ZFAND6: variants seen among roughly 807,000 people sequenced by gnomAD.
The protein encoded by ZFAND6 is zinc finger AN1-type containing 6.
ZFAND6 carries 12 observed loss-of-function variants against 24.5 expected under a neutral mutation model. The observed-to-expected ratio is 0.49, with a 90% CI of 0.31 to 0.79. The LOEUF is 0.79. Ranked by LOEUF, ZFAND6 falls within the 30% of genes least tolerant of loss-of-function variation. The probability of loss-of-function intolerance (pLI) is 0.04; values close to 1 mark genes in which losing one functional copy is unlikely to be tolerated. For missense variants in ZFAND6, 207 were observed against 245.9 expected, an observed-to-expected ratio of 0.84 and a Z score of 1.06; for synonymous variants, 92 against 81.5, an observed-to-expected ratio of 1.13 and a Z score of -0.69.
intron 1 of ZFAND6, chr15:80,073,280 T>G (rs888319101): frequency 6.8e-5 from 23 of 336,416 alleles, no homozygotes; most frequent in Non-Finnish European, 1.1e-4. Flanking sequence ...AGATAAGTAA[T>G]TAACATTTCG....
chr15:80,095,549 T>C lies in ZFAND6; in HGVS notation c.-180-2867T>C, dbSNP rs557994071. Among the ~76,000 whole-genome samples, 83 of 152,252 alleles carry C rather than the reference T, an allele frequency of 5.5e-4. 1 individual carries two copies. The highest frequency in any genetic ancestry group is 1.2e-3 in the Admixed American group (18 of 15,284). On this transcript the variant is annotated intron_variant, in intron 1 of 6. Coordinates refer to ENST00000261749, the MANE Select transcript of ZFAND6 (RefSeq NM_019006.4). ...TTTAACATTCTTTGGTAACTTTGTC[T>C]AAATCAAATTATTACTAGATGGTAA...
At chr15:80,116,379 T>G (rs2039877564) in intron 2 of ZFAND6, among the ~76,000 whole-genome samples, 1 of 152,174 alleles carries the variant, frequency 6.6e-6, no homozygotes, top group Non-Finnish European at 1.5e-5. Flanking sequence ...TATTAAAAAT[T>G]AAAGCTGAGA....
chr15:80,121,738 T>C lies in ZFAND6; in HGVS notation c.181T>C (p.Ser61Pro). Reference protein sequence around the residue: ...PATSVSSLSESLPVQCTDGSV... With the variant: ...PATSVSSLSEPLPVQCTDGSV... ...AACCTCTGTCAGTAGTCTGTCTGAA[T>C]CTTTACCAGTTCAATGCACAGATGG... Residue 61 changes from serine (S) to proline (P), a missense_variant, in exon 4 of 7, where the codon TCT (serine) becomes CCT (proline). This residue lies in a region of ZFAND6 where 133 missense variants were observed against 122.8 expected (regional missense o/e 1.08). Coordinates refer to ENST00000261749, the MANE Select transcript of ZFAND6 (RefSeq NM_019006.4). The C allele has an allele frequency of 6.2e-7, 1 of 1,613,900 alleles. No homozygotes were observed. Among genetic ancestry groups the C allele is most frequent in the Non-Finnish European group, 8.5e-7 (1 of 1,179,862 alleles).
intron 1 of ZFAND6, among the ~76,000 whole-genome samples, chr15:80,091,775 C>T (rs2038392441): frequency 6.6e-6 from 1 of 152,094 alleles, no homozygotes; most frequent in East Asian, 1.9e-4. Context: ...GAGTAGCTAG[C>T]ACTACAGGCA....
chr15:80,130,772 C>CTT, intron 5 of ZFAND6: 1 of 162,164 alleles, frequency 6.2e-6, no homozygotes, highest in South Asian at 2.0e-4. Context: ...TCCTCGTTCT[C>CTT]TGAGAGACCT....
chr15:80,068,872 A>G (rs528920191), intron 1 of ZFAND6, among the ~76,000 whole-genome samples: 27 of 152,244 alleles, frequency 1.8e-4, no homozygotes, highest in Non-Finnish European at 3.2e-4. Context: ...AGTGGTAGGG[A>G]CTATATCCAT....
At chr15:80,075,228 C>A in intron 1 of ZFAND6, 1 of 177,952 alleles carries the variant, frequency 5.6e-6, no homozygotes, top group Non-Finnish European at 1.2e-5. Flanking sequence ...TTCCATATTT[C>A]TATCACAAAT....
At chr15:80,059,976 C>T (rs1194393723) in intron 1 of ZFAND6, among the ~76,000 whole-genome samples, 167 bp downstream of exon 1, 5 of 150,694 alleles carry the variant, frequency 3.3e-5, no homozygotes, top group African/African-American at 9.7e-5. Flanking sequence ...GGTGGGCCCG[C>T]GGGGGCCGCG....
In ZFAND6 at chr15:80,138,375, A is replaced by G. The variant is rs930532062; in HGVS notation, c.*747A>G. ...AGTCTTTGATTAAATAAAAAGGAAAACCAGAATGCTCCCTTGTATTACTTT... is the reference window on the plus strand; with the variant it reads ...AGTCTTTGATTAAATAAAAAGGAAAGCCAGAATGCTCCCTTGTATTACTTT... On this transcript the variant is annotated 3_prime_UTR_variant, in exon 7 of 7. Coordinates refer to ENST00000261749, the MANE Select transcript of ZFAND6 (RefSeq NM_019006.4). 6.6e-6 allele frequency: 1 copy of G among 152,454 alleles called. No homozygotes were observed. The highest frequency in any genetic ancestry group is 2.4e-5 in the African/African-American group (1 of 41,400). The allele number at this position is 152,454 out of a possible 1,614,324, so 9.4% of individuals were successfully genotyped here. A position where few individuals can be genotyped will look rare whatever the true frequency, so the allele number is the denominator to read the frequency against.
chr15:80,090,190 C>T (rs1233281295), intron 1 of ZFAND6, among the ~76,000 whole-genome samples: 1 of 152,126 alleles, frequency 6.6e-6, no homozygotes, highest in Non-Finnish European at 1.5e-5. Flanking sequence ...GAATTTGAAG[C>T]CAGATGTACA....
chr15:80,091,272 G>T (rs57134502), intron 1 of ZFAND6, among the ~76,000 whole-genome samples: 1 of 152,030 alleles, frequency 6.6e-6, no homozygotes, highest in African/African-American at 2.4e-5. Context: ...GAGGATGTAC[G>T]TGAAAATCTA....
chr15:80,108,394 A>G (rs1267765664), intron 2 of ZFAND6, among the ~76,000 whole-genome samples: 3 of 151,350 alleles, frequency 2.0e-5, no homozygotes, highest in East Asian at 1.9e-4. Flanking sequence ...ATAAAAAGCC[A>G]TAGATAGATC....
chr15:80,113,049 G>A (rs764010855), intron 2 of ZFAND6, among the ~76,000 whole-genome samples: 3 of 145,572 alleles, frequency 2.1e-5, no homozygotes, highest in Admixed American at 6.8e-5. Flanking sequence ...TTTGTGTTGC[G>A]GTGTCGTACT....
intron 2 of ZFAND6, among the ~76,000 whole-genome samples, chr15:80,106,633 CTTA>C (rs980484022): frequency 1.4e-5 from 2 of 141,830 alleles, no homozygotes; most frequent in African/African-American, 2.6e-5. Context: ...TGCCTAGAAA[CTTA>C]TTATTTGCTC....
chr15:80,135,271 T>C (rs1174318112), intron 6 of ZFAND6, among the ~76,000 whole-genome samples: 1 of 152,212 alleles, frequency 6.6e-6, no homozygotes, highest in East Asian at 1.9e-4. Flanking sequence ...TATACAAACA[T>C]ACAACACAAA....
intron 1 of ZFAND6, among the ~76,000 whole-genome samples, chr15:80,076,254 A>G (rs1437243329): frequency 2.6e-5 from 4 of 152,206 alleles, no homozygotes; most frequent in African/African-American, 7.2e-5. Context: ...CCAGCTCACC[A>G]AAAGTCACAG....
intron 1 of ZFAND6, among the ~76,000 whole-genome samples, chr15:80,082,844 A>G (rs1430239150): frequency 6.6e-6 from 1 of 152,054 alleles, no homozygotes; most frequent in Non-Finnish European, 1.5e-5. Flanking sequence ...TCAGAATTCC[A>G]TCTTAGAAAT....
At chr15:80,101,694 A>C (rs1032211236) in intron 2 of ZFAND6, among the ~76,000 whole-genome samples, 1 of 152,120 alleles carries the variant, frequency 6.6e-6, no homozygotes, top group Non-Finnish European at 1.5e-5. Flanking sequence ...CTTGTATCAG[A>C]TATAACTCCA....
rs556042143 is a variant in ZFAND6 at position 80,086,057 on chromosome 15, A to G, written c.-180-12359A>G. ...TTTTATTTATTTATTTGTTTTTGAG[A>G]TGGAGTTTCAACCTCTTGTTGCCCA... On this transcript the variant is annotated intron_variant, in intron 1 of 6. Coordinates refer to ENST00000261749, the MANE Select transcript of ZFAND6 (RefSeq NM_019006.4). Among the ~76,000 whole-genome samples, 250 of 152,152 alleles carry G rather than the reference A, an allele frequency of 1.6e-3. 2 individuals carry two copies. Among genetic ancestry groups the G allele is most frequent in the African/African-American group, 5.7e-3 (238 of 41,492 alleles).
Sources: allele counts gnomAD v4.1 joint callset (sites outside exome capture counted in the v4.1 genomes callset), GRCh38; gene constraint gnomAD v4.1.1; regional missense constraint gnomAD v4.1.1; transcripts MANE v1.5; gene names NCBI Gene and HGNC (gene_info 2026-07-23, HGNC 2026-07-21).